The following KLHL29 variants were observed in gnomAD, a reference collection of about 807,000 sequenced individuals.
KLHL29 encodes kelch like family member 29.
KLHL29 carries 21 observed loss-of-function variants against 80.4 expected under a neutral mutation model. The observed-to-expected ratio is 0.26, with a 90% CI of 0.19 to 0.38. KLHL29 has a LOEUF of 0.38. Among genes scored for constraint, KLHL29 ranks in the 10% least tolerant of loss-of-function variants. The pLI, the probability that KLHL29 is intolerant of heterozygous loss-of-function variation, is 1.00. For missense variants in KLHL29, 867 were observed against 1,223.9 expected, an observed-to-expected ratio of 0.71 and a Z score of 4.35; for synonymous variants, 511 against 526.8, an observed-to-expected ratio of 0.97 and a Z score of 0.41.
intron 2 of KLHL29, among the ~76,000 whole-genome samples, chr2:23,512,054 T>C (rs1170844097): frequency 6.6e-6 from 1 of 152,180 alleles, no homozygotes; most frequent in Non-Finnish European, 1.5e-5. Context: ...GAACCCGCAG[T>C]GGATGCAGCA....
chr2:23,404,775 C>T (rs1666685494), intron 1 of KLHL29, among the ~76,000 whole-genome samples: 1 of 152,214 alleles, frequency 6.6e-6, no homozygotes, highest in Admixed American at 6.5e-5. Flanking sequence ...TACCTACTCT[C>T]TTTTTATGTC....
At chr2:23,691,267 C>T (rs559464554) in intron 6 of KLHL29, 14 of 259,848 alleles carry the variant, frequency 5.4e-5, no homozygotes, top group East Asian at 1.1e-4. Context: ...GCCTGGGTCA[C>T]GTTGGAGAAT....
chr2:23,456,694 G>A (rs947387055), intron 1 of KLHL29, among the ~76,000 whole-genome samples: 2 of 152,224 alleles, frequency 1.3e-5, no homozygotes, highest in East Asian at 1.9e-4. Context: ...TGAATGCAGC[G>A]TTATCGCTGC....
Position 23,511,494 on chromosome 2 carries a change from T to G in KLHL29, c.-46+35827T>G, listed in dbSNP as rs750730068. Among the ~76,000 whole-genome samples the G allele has an allele frequency of 1.2e-4, 19 of 152,186 alleles. 1 individual carries two copies. Among genetic ancestry groups the G allele is most frequent in the Non-Finnish European group, 2.4e-4 (16 of 68,014 alleles). On this transcript the variant is annotated intron_variant, in intron 2 of 13. Coordinates refer to ENST00000486442, the MANE Select transcript of KLHL29 (RefSeq NM_052920.2). ...CGGGGAGTGTTAGGGAAGCAGTCCC[T>G]GGAAGGTGGTGTTTCTCACGTCTTC...
chr2:23,542,499 C>T (rs1012104480), intron 2 of KLHL29, among the ~76,000 whole-genome samples: 2 of 152,208 alleles, frequency 1.3e-5, no homozygotes, highest in African/African-American at 2.4e-5. Flanking sequence ...GGACAGCCCG[C>T]GTTCAGGGTT....
Position 23,669,706 on chromosome 2 carries a change from C to A in KLHL29, c.941-14693C>A, listed in dbSNP as rs1670656038. The stretch of plus-strand genomic sequence containing the variant: ...CTCTGTGTGGCTGCCCTGCCACCCC[C>A]AGTCAGCCTCTGAGCACAGTGGCCG... On this transcript the variant is annotated intron_variant, in intron 5 of 13. Transcript: ENST00000486442. The surrounding 1 kb of genome is among the most constrained non-coding windows in gnomAD (Gnocchi z 4.3). Among the ~76,000 whole-genome samples, 1 of 152,164 alleles carries A rather than the reference C, an allele frequency of 6.6e-6. No individual in the cohort carries two copies. Among genetic ancestry groups the A allele is most frequent in the Non-Finnish European group, 1.5e-5 (1 of 68,022 alleles).
intron 2 of KLHL29, among the ~76,000 whole-genome samples, chr2:23,505,456 T>G (rs891177365): frequency 6.6e-6 from 1 of 152,220 alleles, no homozygotes; most frequent in Non-Finnish European, 1.5e-5. Flanking sequence ...GCTGCAGGTG[T>G]GCCGCTTCTC....
intron 5 of KLHL29, among the ~76,000 whole-genome samples, chr2:23,650,378 C>G (rs1256011688): frequency 6.6e-6 from 1 of 152,212 alleles, no homozygotes; most frequent in African/African-American, 2.4e-5. Flanking sequence ...CGTGTGCACA[C>G]AGTTTGCAGG....
intron 1 of KLHL29, among the ~76,000 whole-genome samples, chr2:23,439,085 A>G (rs1327641218): frequency 7.3e-5 from 11 of 149,934 alleles, no homozygotes; most frequent in Admixed American, 7.3e-4. Context: ...TAGATTTTCT[A>G]GTTTATTTGC....
rs571223430 is a variant in KLHL29 at position 23,416,085 on chromosome 2, C to T, written c.-154+30305C>T. 4.4e-4 allele frequency among the ~76,000 whole-genome samples: 67 copies of T among 152,256 alleles called. No individual in the cohort carries two copies. The South Asian group carries it at 0.014, about 31-fold the overall frequency. On this transcript the variant is annotated intron_variant, in intron 1 of 13. Coordinates refer to ENST00000486442, the MANE Select transcript of KLHL29 (RefSeq NM_052920.2). ...TCTGTTCTTGTGCCTGCTGGAGTTA[C>T]ACCTTCATGGCAACAAGCACCTGAG...
At chr2:23,427,721 C>G (rs1663042771) in intron 1 of KLHL29, among the ~76,000 whole-genome samples, 1 of 152,190 alleles carries the variant, frequency 6.6e-6, no homozygotes, top group Admixed American at 6.5e-5. Context: ...TTGGGTAATT[C>G]ACCTACTGGG....
intron 2 of KLHL29, among the ~76,000 whole-genome samples, chr2:23,523,332 A>G (rs913501309): frequency 7.9e-5 from 12 of 152,212 alleles, no homozygotes; most frequent in African/African-American, 2.9e-4. Context: ...TCTATTCTAA[A>G]GCAAAGGACA....
intron 3 of KLHL29, among the ~76,000 whole-genome samples, chr2:23,575,000 G>T (rs1309138815): frequency 1.3e-5 from 2 of 151,998 alleles, no homozygotes; most frequent in African/African-American, 2.4e-5. Flanking sequence ...GGAAAATGTG[G>T]AGTCAGCACG....
chr2:23,622,162 C>T (rs1370928282), intron 3 of KLHL29, among the ~76,000 whole-genome samples: 2 of 152,166 alleles, frequency 1.3e-5, no homozygotes, highest in Non-Finnish European at 2.9e-5. Context: ...TAAATCCTTG[C>T]CTGGGGCACT....
Position 23,696,252 on chromosome 2 carries a change from C to A in KLHL29, c.1925-81C>A. ...TGTCTACTTTGCAGGTGAAGCCTTC[C>A]TCTGCCCCTGGGGCTGGGCCTGCTG... On this transcript the variant is annotated intron_variant, in intron 10 of 13. Coordinates refer to ENST00000486442, the MANE Select transcript of KLHL29 (RefSeq NM_052920.2). The surrounding 1 kb of genome is among the most constrained non-coding windows in gnomAD (Gnocchi z 5.5). 1.3e-6 allele frequency: 2 copies of A among 1,491,392 alleles called. No homozygotes were observed. Among genetic ancestry groups the A allele is most frequent in the Non-Finnish European group, 1.8e-6 (2 of 1,098,358 alleles). The allele number at this position is 1,491,392 out of a possible 1,614,324, so 92.4% of individuals were successfully genotyped here. A position where few individuals can be genotyped will look rare whatever the true frequency, so the allele number is the denominator to read the frequency against.
rs548836764 is a variant in KLHL29, at chr2:23,549,830, G to T, written c.-45-12322G>T. Among the ~76,000 whole-genome samples, 31 of 152,384 alleles carry T rather than the reference G, an allele frequency of 2.0e-4. 1 individual carries two copies. Among genetic ancestry groups the T allele is most frequent in the African/African-American group, 6.3e-4 (26 of 41,596 alleles). ...AGGCCAGCCAGCAGGGGCTCTGGGG[G>T]TGAGCCAGCAGGCTGCTTGCATGGC... On this transcript the variant is annotated intron_variant, in intron 2 of 13. Coordinates refer to ENST00000486442, the MANE Select transcript of KLHL29 (RefSeq NM_052920.2).
At chr2:23,428,421 A>C (rs1663063895) in intron 1 of KLHL29, among the ~76,000 whole-genome samples, 1 of 151,928 alleles carries the variant, frequency 6.6e-6, no homozygotes, top group Non-Finnish European at 1.5e-5. Context: ...CCTTCCTGGC[A>C]CTCCATAATC....
rs544640291 is a variant in KLHL29 at position 23,586,843 on chromosome 2, C to T, written c.285+24362C>T. Among the ~76,000 whole-genome samples the T allele has an allele frequency of 1.5e-3, 227 of 151,700 alleles. 1 individual carries two copies. The highest frequency in any genetic ancestry group is 5.1e-3 in the African/African-American group (211 of 41,006). The stretch of plus-strand genomic sequence containing the variant: ...CATTGTAGTTAGTTGTCTAAATGCT[C>T]TCTTCCCCCCACGGGCACTGCCAGT... On this transcript the variant is annotated intron_variant, in intron 3 of 13. Coordinates refer to ENST00000486442, the MANE Select transcript of KLHL29 (RefSeq NM_052920.2).
rs1178192155 is a variant in KLHL29, at chr2:23,462,974, A to T, written c.-153-12586A>T. 3.3e-5 allele frequency among the ~76,000 whole-genome samples: 5 copies of T among 152,170 alleles called. No individual in the cohort carries two copies. The South Asian group carries it at 1.0e-3, about 32-fold the overall frequency. On this transcript the variant is annotated intron_variant, in intron 1 of 13. Transcript: ENST00000486442. ...ACATAGCAAGACCCCATCTTTAATT[A>T]AAAAATAAATAAAAATAAAATGTTA...
Sources: gnomAD v4.1 joint callset for allele counts (sites outside exome capture counted in the v4.1 genomes callset) on GRCh38, gnomAD v4.1.1 for gene constraint, Gnocchi (gnomAD v3.1) non-coding constraint, MANE v1.5 for transcripts, NCBI Gene and HGNC (gene_info 2026-07-23, HGNC 2026-07-21) for gene names.